Variants in SPTAN1 observed in about 807,000 individuals in gnomAD.
The protein encoded by SPTAN1 is spectrin alpha chain, non-erythrocytic 1.
In SPTAN1, 61 loss-of-function variants were observed where a neutral mutation model predicts 331.3. The observed-to-expected ratio is 0.18, with a 90% CI of 0.15 to 0.23. SPTAN1 has a LOEUF of 0.23. SPTAN1 is among the 10% of genes least tolerant of loss of function. The pLI is 1.00. For synonymous variants in SPTAN1, 1,153 were observed against 1,173.9 expected (o/e 0.98, Z 0.36); for missense variants, 2,043 against 3,147.9 (o/e 0.65, Z 8.40).
chr9:128,633,416 T>G lies in SPTAN1; in HGVS notation c.*82T>G. The stretch of plus-strand genomic sequence containing the variant: ...TCCGCTCCTCTGTGTGCTCTCACTT[T>G]CCACTGTAACCTTAAGCCTGCTTAG... On this transcript the variant is annotated 3_prime_UTR_variant, in exon 57 of 57. Transcript: ENST00000372739. 6.2e-7 allele frequency: 1 copy of G among 1,602,820 alleles called. No homozygotes were observed. Among genetic ancestry groups the G allele is most frequent in the Non-Finnish European group, 8.5e-7 (1 of 1,174,778 alleles).
Position 128,598,385 on chromosome 9 carries a change from G to C in SPTAN1, c.3415-15G>C. 6.2e-7 allele frequency: 1 copy of C among 1,606,234 alleles called. No homozygotes were observed. The highest frequency in any genetic ancestry group is 8.5e-7 in the Non-Finnish European group (1 of 1,175,878). On this transcript the variant is annotated splice_polypyrimidine_tract_variant and intron_variant, in intron 24 of 56. Transcript: ENST00000372739. ...GCTATTTTGGGTTTTAGTTATTATG[G>C]CTTTTGCTTTAAAGGACCTGAAGGC...
At chr9:128,563,515 G>C (rs1415653116) in intron 1 of SPTAN1, among the ~76,000 whole-genome samples, 1 of 152,198 alleles carries the variant, frequency 6.6e-6, no homozygotes, top group Non-Finnish European at 1.5e-5. Context: ...ACACCTAGTT[G>C]TGTAGCTTTA....
rs137913528 is a variant in SPTAN1 at position 128,632,556 on chromosome 9, C to A, written c.7014-16C>A. On this transcript the variant is annotated splice_polypyrimidine_tract_variant and intron_variant, in intron 54 of 56. Transcript: ENST00000372739. ...GCAGGGCTGCCTGCTGAGCCGCCCT[C>A]GGCTTTGTGCTGCAGACACTTTGAC... is the stretch of plus-strand genomic sequence containing the variant. The A allele has an allele frequency of 4.0e-5, 64 of 1,614,152 alleles. No homozygotes were observed. In the South Asian group the frequency reaches 6.9e-4, roughly 17 times the overall value.
intron 1 of SPTAN1, among the ~76,000 whole-genome samples, chr9:128,564,870 G>T (rs894748999): frequency 1.3e-5 from 2 of 152,184 alleles, no homozygotes; most frequent in Admixed American, 6.5e-5. Flanking sequence ...GAGTTTTAAA[G>T]GGAATTACAC....
chr9:128,604,393 C>T lies in SPTAN1; in HGVS notation c.3695C>T (p.Ala1232Val), dbSNP rs747701235. 3 of 1,613,758 alleles carry T rather than the reference C, an allele frequency of 1.9e-6. No individual in the cohort carries two copies. The highest frequency in any genetic ancestry group is 8.5e-7 in the Non-Finnish European group (1 of 1,179,858). Reference sequence around the variant, plus strand: ...GAACGGAGCCAGCTCTTGGGCAGCGCCCATGAAGTACAGAGGTTCCACAGG... The same window carrying T: ...GAACGGAGCCAGCTCTTGGGCAGCGTCCATGAAGTACAGAGGTTCCACAGG... The part of the protein sequence containing the change: ...AEERSQLLGS[A>V]HEVQRFHRDA... The change falls in exon 29 of 57, where the codon GCC (alanine) becomes GTC (valine). Residue 1232 changes from alanine (A) to valine (V), a missense_variant. By Grantham distance (64) the Ala-to-Val change is moderately conservative (BLOSUM62 0). Coordinates refer to ENST00000372739, the MANE Select transcript of SPTAN1 (RefSeq NM_001130438.3).
chr9:128,585,268 A>C (rs1272908463), intron 18 of SPTAN1, among the ~76,000 whole-genome samples: 2 of 151,948 alleles, frequency 1.3e-5, no homozygotes, highest in African/African-American at 4.8e-5. Context: ...ACCTCAGGTG[A>C]TCCACCTACC....
chr9:128,616,232 T>G lies in SPTAN1; in HGVS notation c.5357+392T>G, dbSNP rs536873019. 2.0e-3 allele frequency among the ~76,000 whole-genome samples: 309 copies of G among 152,040 alleles called. 1 individual carries two copies. The highest frequency in any genetic ancestry group is 7.2e-3 in the African/African-American group (299 of 41,508). On this transcript the variant is annotated intron_variant, in intron 41 of 56. Transcript: ENST00000372739. ...GCAGGTAAACAAACATTTTTTTTTC[T>G]GAGATGGAGTCTCGCTCTGTCACCA...
Position 128,600,112 on chromosome 9 carries a change from G to C in SPTAN1, c.3576G>C (p.Trp1192Cys). Residue 1192 changes from tryptophan to cysteine, a missense_variant, in exon 27 of 57, where the codon TGG (tryptophan) becomes TGC (cysteine). Coordinates refer to ENST00000372739, the MANE Select transcript of SPTAN1 (RefSeq NM_001130438.3). ...DETDSKTASP[W>C]KSARLMVHTV... is the part of the protein sequence containing the mutation. ...CTGATTCCAAGACAGCCTCCCCGTG[G>C]AAGGTAAGAACTCCTTTGCAAATTA... is the stretch of plus-strand genomic sequence containing the variant. 1 of 1,614,212 alleles carries C rather than the reference G, an allele frequency of 6.2e-7. No individual in the cohort carries two copies. Among genetic ancestry groups the C allele is most frequent in the Non-Finnish European group, 8.5e-7 (1 of 1,180,036 alleles).
chr9:128,628,424 T>C, intron 51 of SPTAN1: 1 of 346,348 alleles, frequency 2.9e-6, no homozygotes, highest in Non-Finnish European at 5.7e-6. Context: ...CCTAAGTAGC[T>C]GAGGCTGCCA....
At chr9:128,617,254 GTGTATATA>G (rs896868740) in intron 41 of SPTAN1, among the ~76,000 whole-genome samples, 1 of 151,442 alleles carries the variant, frequency 6.6e-6, no homozygotes, top group African/African-American at 2.4e-5. Context: ...AAAAAAAAGT[GTGTATATA>G]TGTATATATA....
At chr9:128,610,559 G>GT (rs767424166) in intron 37 of SPTAN1, among the ~76,000 whole-genome samples, 2,255 of 146,410 alleles carry the variant, frequency 0.015, 46 homozygotes, top group African/African-American at 0.04. Context: ...CCTTTTAGTT[G>GT]TTTTTTTTTT....
chr9:128,598,269 C>CA, intron 24 of SPTAN1, 131 bp from the exon 25 acceptor site: 1 of 724,740 alleles, frequency 1.4e-6, no homozygotes, highest in South Asian at 1.6e-5. Flanking sequence ...TTTTTTAATC[C>CA]CCCCCTTTTT....
chr9:128,555,270 A>G (rs905229793), intron 1 of SPTAN1: 10 of 1,024,470 alleles, frequency 9.8e-6, no homozygotes, highest in African/African-American at 1.7e-5. Context: ...CATATTTTTT[A>G]AATAATCTGT....
At chr9:128,592,738 A>T (rs539248965) in intron 22 of SPTAN1, among the ~76,000 whole-genome samples, 7 of 152,340 alleles carry the variant, frequency 4.6e-5, no homozygotes, top group Non-Finnish European at 8.8e-5. Context: ...AGCACAGGAA[A>T]ATCTGCCTTA....
At chr9:128,616,775 T>C (rs1173930719) in intron 41 of SPTAN1, among the ~76,000 whole-genome samples, 1 of 151,146 alleles carries the variant, frequency 6.6e-6, no homozygotes, top group African/African-American at 2.4e-5. Flanking sequence ...AAAATAAAAA[T>C]ATAAAAATTA....
Position 128,575,111 on chromosome 9 carries a change from G to A in SPTAN1, c.505-88G>A, listed in dbSNP as rs542868662. 93 of 1,563,672 alleles carry A rather than the reference G, an allele frequency of 5.9e-5. No individual in the cohort carries two copies. The African/African-American group carries it at 1.2e-3, about 20-fold the overall frequency. The stretch of plus-strand genomic sequence containing the variant: ...TATCCATTAAAGCTAACATGGCTCC[G>A]TCCCTAATGTGTCTGTTTGATGTTT... On this transcript the variant is annotated intron_variant, in intron 4 of 56. Coordinates refer to ENST00000372739, the MANE Select transcript of SPTAN1 (RefSeq NM_001130438.3).
chr9:128,575,078 C>T (rs1851157300), intron 4 of SPTAN1, 121 bp from the exon 5 acceptor site: 1 of 1,436,358 alleles, frequency 7.0e-7, no homozygotes. Context: ...AAACCACAGA[C>T]AAAACTGTAT....
At chr9:128,612,343 C>T in intron 39 of SPTAN1, 97 bp downstream of exon 39, 1 of 1,473,012 alleles carries the variant, frequency 6.8e-7, no homozygotes, top group Non-Finnish European at 9.5e-7. Flanking sequence ...AGGCAGGGCT[C>T]ACCAGACACC....
rs952300360 is a variant in SPTAN1 at position 128,616,537 on chromosome 9, C to T, written c.5357+697C>T. Among the ~76,000 whole-genome samples the T allele has an allele frequency of 1.1e-4, 17 of 150,976 alleles. No individual in the cohort carries two copies. In the East Asian group the frequency reaches 1.4e-3, roughly 13 times the overall value. On this transcript the variant is annotated intron_variant, in intron 41 of 56. Transcript: ENST00000372739. ...ATCACAGTACTTTGGGAGGCTGAGG[C>T]GGGCAGATCACTTGAGGTCAGGAGT... is the stretch of plus-strand genomic sequence containing the variant.
Sources: allele counts gnomAD v4.1 joint callset (sites outside exome capture counted in the v4.1 genomes callset), GRCh38; gene constraint gnomAD v4.1.1; transcripts MANE v1.5; gene names NCBI Gene and HGNC (gene_info 2026-07-23, HGNC 2026-07-21).